The following RHOJ variants were observed in gnomAD, a reference collection of about 807,000 sequenced individuals.
RHOJ encodes ras homolog family member J.
A neutral mutation model predicts 23.4 loss-of-function variants in RHOJ; 11 were observed. The observed-to-expected ratio is 0.47, with a 90% CI of 0.30 to 0.78. The LOEUF is 0.78. Among genes scored for constraint, RHOJ ranks in the 30% least tolerant of loss-of-function variants. RHOJ has a pLI of 0.08. For synonymous variants in RHOJ, 102 were observed against 102.7 expected, an observed-to-expected ratio of 0.99 and a Z score of 0.04; for missense variants, 254 against 273.4, an observed-to-expected ratio of 0.93 and a Z score of 0.50.
In RHOJ at chr14:63,205,520, A is replaced by AT. The variant is rs559530996; in HGVS notation, c.178+479dup. Among the ~76,000 whole-genome samples, 626 of 152,134 alleles carry AT rather than the reference A, an allele frequency of 4.1e-3. 10 individuals are homozygous for AT. The highest frequency in any genetic ancestry group is 2.0e-3 in the Non-Finnish European group (136 of 67,990). On this transcript the variant is annotated intron_variant, in intron 1 of 4. Transcript: ENST00000316754. ...AAATGCTAAGATTAATAAAACACTC[A>AT]TTTTTTCTATAACAATTGGTGCTAT...
chr14:63,258,152 C>T (rs548068837), intron 1 of RHOJ, among the ~76,000 whole-genome samples: 1 of 144,968 alleles, frequency 6.9e-6, no homozygotes, highest in African/African-American at 2.6e-5. Context: ...CGCTTGAACC[C>T]GGGAGGTGGA....
intron 1 of RHOJ, among the ~76,000 whole-genome samples, chr14:63,241,830 G>C (rs960909502): frequency 6.6e-6 from 1 of 152,102 alleles, no homozygotes; most frequent in East Asian, 1.9e-4. Flanking sequence ...AGTAGTATAA[G>C]GACACTATTT....
intron 1 of RHOJ, among the ~76,000 whole-genome samples, chr14:63,240,930 C>T (rs939666235): frequency 6.6e-6 from 1 of 152,212 alleles, no homozygotes; most frequent in African/African-American, 2.4e-5. Context: ...ATGTGTTCAA[C>T]AGTGGACTAA....
intron 1 of RHOJ, among the ~76,000 whole-genome samples, chr14:63,210,106 C>T (rs1306357188): frequency 2.6e-5 from 4 of 151,876 alleles, no homozygotes; most frequent in Admixed American, 2.6e-4. Flanking sequence ...ACAATAGGCA[C>T]GTGCCACCAC....
At chr14:63,241,698 C>G (rs1450503343) in intron 1 of RHOJ, among the ~76,000 whole-genome samples, 1 of 152,124 alleles carries the variant, frequency 6.6e-6, no homozygotes, top group East Asian at 1.9e-4. Flanking sequence ...GGGAAGTCAG[C>G]CTAAGGCCTG....
At chr14:63,235,402 C>A (rs543236559) in intron 1 of RHOJ, among the ~76,000 whole-genome samples, 22 of 152,094 alleles carry the variant, frequency 1.4e-4, no homozygotes, top group Non-Finnish European at 2.9e-4. Context: ...TGTTAATTTT[C>A]TTGGTTATGA....
At chr14:63,233,465 AT>A (rs1288534486) in intron 1 of RHOJ, among the ~76,000 whole-genome samples, 2 of 152,234 alleles carry the variant, frequency 1.3e-5, no homozygotes, top group African/African-American at 2.4e-5. Context: ...TGCTGAAAAA[AT>A]AATTGGAAGG....
chr14:63,281,247 T>C lies in RHOJ; in HGVS notation c.402+112T>C. 12 of 1,034,680 alleles carry C rather than the reference T, an allele frequency of 1.2e-5. No homozygotes were observed. The South Asian group carries it at 2.3e-4, about 20-fold the overall frequency. 64.1% of individuals were successfully genotyped at this position (1,034,680 alleles called of 1,614,324 possible). On this transcript the variant is annotated intron_variant, in intron 3 of 4. Transcript: ENST00000316754. ...ACGCTATGGAAGTGTGTCTCAGACATGTCAATCCTATGAACAGAAGTTCTT... is the reference window on the plus strand; with the variant it reads ...ACGCTATGGAAGTGTGTCTCAGACACGTCAATCCTATGAACAGAAGTTCTT...
Position 63,263,091 on chromosome 14 carries a change from T to C in RHOJ, c.179-6019T>C, listed in dbSNP as rs370438617. On this transcript the variant is annotated intron_variant, in intron 1 of 4. Transcript: ENST00000316754. Reference sequence around the variant, plus strand: ...GGCATTTTCTCGTTTAATTTCCTTCTCACAAGTACTTTCTTTGGTAGGTGA... The same window carrying C: ...GGCATTTTCTCGTTTAATTTCCTTCCCACAAGTACTTTCTTTGGTAGGTGA... Among the ~76,000 whole-genome samples the C allele has an allele frequency of 5.3e-5, 8 of 152,328 alleles. No individual in the cohort carries two copies. The East Asian group carries it at 9.6e-4, about 18-fold the overall frequency.
intron 1 of RHOJ, among the ~76,000 whole-genome samples, chr14:63,216,888 G>T (rs907800273): frequency 6.6e-6 from 1 of 152,024 alleles, no homozygotes; most frequent in African/African-American, 2.4e-5. Context: ...CTGTCAGGCT[G>T]GTTAGAGCCA....
At chr14:63,243,458 G>C (rs997552495) in intron 1 of RHOJ, among the ~76,000 whole-genome samples, 6 of 152,180 alleles carry the variant, frequency 3.9e-5, no homozygotes, top group African/African-American at 1.4e-4. Context: ...TCCTGCCTCA[G>C]CCTCCCGAGT....
In RHOJ at chr14:63,291,816, C is replaced by T. The variant is rs980238063; in HGVS notation, c.*792C>T. ...CCTGATTTTTTTCCATGTATTGCCA[C>T]GACAAACTAAAAATGAACTGTGTTT... On this transcript the variant is annotated 3_prime_UTR_variant, in exon 5 of 5. Coordinates refer to ENST00000316754, the MANE Select transcript of RHOJ (RefSeq NM_020663.5). The T allele has an allele frequency of 2.0e-5, 3 of 152,684 alleles. No individual in the cohort carries two copies. The highest frequency in any genetic ancestry group is 6.5e-5 in the Admixed American group (1 of 15,286). The allele number at this position is 152,684 out of a possible 1,614,324, so 9.5% of individuals were successfully genotyped here.
At chr14:63,250,131 C>G (rs118191445) in intron 1 of RHOJ, among the ~76,000 whole-genome samples, 1 of 152,304 alleles carries the variant, frequency 6.6e-6, no homozygotes, top group Non-Finnish European at 1.5e-5. Context: ...TCATCTTTTC[C>G]CTGGGCCACT....
chr14:63,272,176 C>T (rs1304844496), intron 2 of RHOJ, among the ~76,000 whole-genome samples: 1 of 152,222 alleles, frequency 6.6e-6, no homozygotes, highest in African/African-American at 2.4e-5. Context: ...GGAAAATAAC[C>T]ATTACTGAAA....
chr14:63,244,138 G>A (rs1894933810), intron 1 of RHOJ, among the ~76,000 whole-genome samples: 1 of 152,176 alleles, frequency 6.6e-6, no homozygotes, highest in African/African-American at 2.4e-5. Flanking sequence ...TAGATTTGTT[G>A]GGAGGAAGAC....
chr14:63,210,467 A>C (rs1377272338), intron 1 of RHOJ, among the ~76,000 whole-genome samples: 1 of 152,212 alleles, frequency 6.6e-6, no homozygotes, highest in Non-Finnish European at 1.5e-5. Context: ...GCTAGGTCTA[A>C]AGGGTAGGAG....
intron 1 of RHOJ, among the ~76,000 whole-genome samples, chr14:63,214,743 G>A (rs372075944): frequency 1.4e-4 from 21 of 152,264 alleles, no homozygotes; most frequent in Admixed American, 9.2e-4. Context: ...ATTCTGATGC[G>A]TAGCAGTAAG....
At chr14:63,206,358 T>A (rs570841867) in intron 1 of RHOJ, among the ~76,000 whole-genome samples, 1 of 152,280 alleles carries the variant, frequency 6.6e-6, no homozygotes, top group South Asian at 2.1e-4. Context: ...AACATTTTAA[T>A]GAGAACAGAA....
chr14:63,255,715 T>C (rs915886898), intron 1 of RHOJ, among the ~76,000 whole-genome samples: 2 of 152,046 alleles, frequency 1.3e-5, no homozygotes, highest in African/African-American at 2.4e-5. Context: ...AGCTTTCCTA[T>C]CTCTGTTTTG....
Sources: gnomAD v4.1 joint callset for allele counts (sites outside exome capture counted in the v4.1 genomes callset) on GRCh38, gnomAD v4.1.1 for gene constraint, MANE v1.5 for transcripts, NCBI Gene and HGNC (gene_info 2026-07-23, HGNC 2026-07-21) for gene names.